CALN1: variants seen among roughly 807,000 people sequenced by gnomAD.
CALN1 encodes calcium-binding protein 8.
Under a neutral mutation model 30.6 loss-of-function variants are expected in CALN1, and 17 were observed. The observed-to-expected ratio is 0.56, with a 90% CI of 0.38 to 0.83. The LOEUF is 0.83. Ranked by LOEUF, CALN1 falls within the 40% of genes least tolerant of loss-of-function variation. CALN1 has a pLI of 0.00. For missense variants in CALN1, 291 were observed against 354.9 expected (o/e 0.82, Z 1.45); for synonymous variants, 156 against 131.4 (o/e 1.19, Z -1.28).
rs56197069 is a variant in CALN1 at position 72,311,651 on chromosome 7, A to ATTTTTTTTTTTTTTTTTTTTTTT, written c.120-32864_120-32842dup. Among the ~76,000 whole-genome samples, 4 of 48,470 alleles carry ATTTTTTTTTTTTTTTTTTTTTTT rather than the reference A, an allele frequency of 8.3e-5. 1 individual carries two copies. The highest frequency in any genetic ancestry group is 2.4e-4 in the African/African-American group (3 of 12,522). The allele number at this position is 48,470 out of a possible 152,430, so 31.8% of individuals were successfully genotyped here. A position where few individuals can be genotyped will look rare whatever the true frequency, so the allele number is the denominator to read the frequency against. On this transcript the variant is annotated intron_variant, in intron 2 of 6. Coordinates refer to ENST00000395275, the MANE Select transcript of CALN1 (RefSeq NM_031468.4). ...CATGCCACCACAACGCCTGGCTGAG[A>ATTTTTTTTTTTTTTTTTTTTTTT]TTTTTTTTTTTTTTTTTTTTTTTTT... is the stretch of plus-strand genomic sequence containing the variant.
intron 3 of CALN1, among the ~76,000 whole-genome samples, chr7:72,258,897 T>TGAAA (rs1554340985): frequency 2.3e-5 from 3 of 132,728 alleles, no homozygotes; most frequent in Admixed American, 7.7e-5. Flanking sequence ...TACTAAAAAG[T>TGAAA]AAAAAAAAAA....
At chr7:71,972,549 T>C (rs1364006882) in intron 5 of CALN1, among the ~76,000 whole-genome samples, 1 of 152,174 alleles carries the variant, frequency 6.6e-6, no homozygotes, top group Non-Finnish European at 1.5e-5. Context: ...CAAAGGTGTA[T>C]CCTCTTTTCC....
At chr7:71,959,418 G>A (rs140192998) in intron 5 of CALN1, among the ~76,000 whole-genome samples, 66 of 152,296 alleles carry the variant, frequency 4.3e-4, no homozygotes, top group Non-Finnish European at 8.5e-4. Context: ...AGATGGGTGA[G>A]AGGCAAGTCC....
chr7:71,862,078 AC>A lies in CALN1; in HGVS notation c.502-51587del, dbSNP rs534667848. On this transcript the variant is annotated intron_variant, in intron 5 of 6. Transcript: ENST00000395275. ...GACGTGGCCATCTCATCTTTCCTTGACCCTTTTGCGCTGGACAGAGAATCCC... is the reference window on the plus strand; with the variant it reads ...GACGTGGCCATCTCATCTTTCCTTGACCTTTTGCGCTGGACAGAGAATCCC... 7.3e-3 allele frequency among the ~76,000 whole-genome samples: 1,119 copies of A among 152,266 alleles called. 15 individuals carry two copies. The highest frequency in any genetic ancestry group is 0.025 in the African/African-American group (1,050 of 41,548).
At chr7:71,927,547 G>A (rs1163319595) in intron 5 of CALN1, among the ~76,000 whole-genome samples, 1 of 152,096 alleles carries the variant, frequency 6.6e-6, no homozygotes, top group African/African-American at 2.4e-5. Context: ...TTTGGATGGG[G>A]TATGTGTTGC....
At chr7:72,333,315 A>G (rs1176545769) in intron 2 of CALN1, among the ~76,000 whole-genome samples, 3 of 152,226 alleles carry the variant, frequency 2.0e-5, no homozygotes, top group Non-Finnish European at 4.4e-5. Context: ...TGTCAACTTC[A>G]TCTATCTATC....
intron 5 of CALN1, among the ~76,000 whole-genome samples, chr7:72,018,992 A>G (rs1433862895): frequency 2.7e-5 from 4 of 146,524 alleles, no homozygotes; most frequent in Non-Finnish European, 5.9e-5. Flanking sequence ...GATTACCACC[A>G]TATCCAGCTA....
chr7:72,332,118 G>A (rs535781798), intron 2 of CALN1, among the ~76,000 whole-genome samples: 213 of 152,234 alleles, frequency 1.4e-3, no homozygotes, highest in African/African-American at 5.0e-3. Flanking sequence ...CATGTAAGAT[G>A]ATTCCATGTC....
chr7:72,460,618 T>C, the CALN1 span, among the ~76,000 whole-genome samples: 1 of 152,022 alleles, frequency 6.6e-6, no homozygotes, highest in Middle Eastern at 3.2e-3. Flanking sequence ...GGCAGCAGAT[T>C]GAGACTCAGT....
intron 3 of CALN1, among the ~76,000 whole-genome samples, chr7:72,273,722 G>T (rs892899705): frequency 2.2e-4 from 33 of 151,694 alleles, no homozygotes; most frequent in Non-Finnish European, 4.4e-4. Flanking sequence ...TGTTGCCCAG[G>T]CTGGTCTCCA....
At chr7:72,494,651 T>C in the CALN1 span, among the ~76,000 whole-genome samples, 5 of 152,016 alleles carry the variant, frequency 3.3e-5, no homozygotes, top group Non-Finnish European at 7.4e-5. Flanking sequence ...CCAACACTGA[T>C]TGCTTGATGC....
chr7:72,299,860 A>G (rs369469415), intron 2 of CALN1, among the ~76,000 whole-genome samples: 14 of 150,740 alleles, frequency 9.3e-5, no homozygotes, highest in African/African-American at 2.7e-4. Context: ...TCAATGGGGG[A>G]GAGTTTTTGT....
the CALN1 span, among the ~76,000 whole-genome samples, chr7:72,456,528 A>T: frequency 1.2e-3 from 186 of 152,004 alleles, 1 homozygote; most frequent in Non-Finnish European, 2.1e-3. Flanking sequence ...ACAGAATGAG[A>T]CCCTGTCTCC....
intron 2 of CALN1, among the ~76,000 whole-genome samples, chr7:72,280,710 T>C (rs1422196948): frequency 6.6e-6 from 1 of 152,156 alleles, no homozygotes; most frequent in Non-Finnish European, 1.5e-5. Flanking sequence ...CTCCCCAAAA[T>C]TTTGTGTGTC....
At chr7:72,014,847 G>A (rs1405049714) in intron 5 of CALN1, among the ~76,000 whole-genome samples, 1 of 151,922 alleles carries the variant, frequency 6.6e-6, no homozygotes, top group African/African-American at 2.4e-5. Context: ...TTTGTTTGTA[G>A]AGTCAGGATC....
At chr7:72,207,770 A>G (rs1295879626) in intron 3 of CALN1, among the ~76,000 whole-genome samples, 1 of 152,202 alleles carries the variant, frequency 6.6e-6, no homozygotes, top group Non-Finnish European at 1.5e-5. Context: ...ATGGTTATAT[A>G]TGACAGGTGG....
At chr7:72,411,175 A>T (rs970576519) in intron 1 of CALN1, among the ~76,000 whole-genome samples, 2 of 152,252 alleles carry the variant, frequency 1.3e-5, no homozygotes, top group Non-Finnish European at 2.9e-5. Context: ...TATCAAAAGG[A>T]AAAAGCAAAG....
chr7:72,093,207 A>G (rs1299785727), intron 4 of CALN1, among the ~76,000 whole-genome samples: 1 of 152,246 alleles, frequency 6.6e-6, no homozygotes, highest in Non-Finnish European at 1.5e-5. Flanking sequence ...TTTAAAAATT[A>G]TAATACTTAA....
chr7:72,009,850 G>GT (rs1380136276), intron 5 of CALN1, among the ~76,000 whole-genome samples: 2 of 152,140 alleles, frequency 1.3e-5, no homozygotes, highest in African/African-American at 4.8e-5. Flanking sequence ...ACGTGGAAAC[G>GT]TAAGTCCATT....
Sources: allele counts gnomAD v4.1 joint callset (sites outside exome capture counted in the v4.1 genomes callset), GRCh38; gene constraint gnomAD v4.1.1; transcripts MANE v1.5; gene names NCBI Gene and HGNC (gene_info 2026-07-23, HGNC 2026-07-21).